Variants in RYR3 observed in about 807,000 individuals in gnomAD.
RYR3 encodes ryanodine receptor 3, also known as brain ryanodine receptor-calcium release channel.
RYR3 carries 207 observed loss-of-function variants against 584.3 expected under a neutral mutation model. The ratio of observed to expected loss-of-function variants is 0.35; its 90% CI spans 0.32 to 0.40. The LOEUF is 0.40. Ranked by LOEUF, RYR3 falls within the 10% of genes least tolerant of loss-of-function variation. RYR3 has a pLI of 1.00. For missense variants in RYR3, 5,616 were observed against 6,089.2 expected (o/e 0.92, Z 2.59); for synonymous variants, 2,416 against 2,248.5 (o/e 1.07, Z -2.11).
At chr15:33,552,813 C>T (rs994531641) in intron 10 of RYR3, among the ~76,000 whole-genome samples, 1 of 152,140 alleles carries the variant, frequency 6.6e-6, no homozygotes, top group African/African-American at 2.4e-5. Flanking sequence ...GGTAGAAAGG[C>T]CCTGATTTTC....
chr15:33,736,795 C>A (rs2069509355), intron 49 of RYR3, among the ~76,000 whole-genome samples: 1 of 151,582 alleles, frequency 6.6e-6, no homozygotes, highest in African/African-American at 2.4e-5. Context: ...GTCACCCAGG[C>A]TGAAGTGCAG....
chr15:33,378,934 C>T (rs1240681040), intron 1 of RYR3, among the ~76,000 whole-genome samples: 1 of 151,944 alleles, frequency 6.6e-6, no homozygotes, highest in Non-Finnish European at 1.5e-5. Context: ...TACTGCTCTC[C>T]AGCCTGGGCA....
chr15:33,341,613 G>GAAGC (rs1434289072), intron 1 of RYR3, among the ~76,000 whole-genome samples: 1 of 152,108 alleles, frequency 6.6e-6, no homozygotes, highest in African/African-American at 2.4e-5. Flanking sequence ...CTACCATCTA[G>GAAGC]AAGCAGGAGG....
At chr15:33,466,072 C>A (rs930927747) in intron 1 of RYR3, among the ~76,000 whole-genome samples, 6 of 152,150 alleles carry the variant, frequency 3.9e-5, no homozygotes, top group Non-Finnish European at 5.9e-5. Context: ...TGTTGAGTAG[C>A]ATTTGGAAAC....
At chr15:33,714,573 C>T (rs8025855) in intron 43 of RYR3, among the ~76,000 whole-genome samples, 110,538 of 152,058 alleles carry the variant, frequency 0.73, 40,924 homozygotes, top group South Asian at 0.89. Flanking sequence ...CTATTGTAGA[C>T]TCTGAGAAGG....
chr15:33,334,681 T>C (rs984437167), intron 1 of RYR3, among the ~76,000 whole-genome samples: 4 of 151,906 alleles, frequency 2.6e-5, no homozygotes, highest in African/African-American at 7.3e-5. Context: ...AATTGACAAA[T>C]GGGATCTAAT....
chr15:33,735,758 A>G (rs562188843), intron 48 of RYR3, among the ~76,000 whole-genome samples: 4 of 152,212 alleles, frequency 2.6e-5, no homozygotes, highest in African/African-American at 9.6e-5. Flanking sequence ...AAATGATTCC[A>G]GTAGTGAGAA....
intron 18 of RYR3, among the ~76,000 whole-genome samples, chr15:33,605,097 A>T (rs1198977572): frequency 6.6e-6 from 1 of 152,246 alleles, no homozygotes; most frequent in Non-Finnish European, 1.5e-5. Context: ...GGTGAAGCAA[A>T]TTGGACCCTT....
At chr15:33,339,824 G>T (rs904484046) in intron 1 of RYR3, among the ~76,000 whole-genome samples, 1 of 150,646 alleles carries the variant, frequency 6.6e-6, no homozygotes, top group Non-Finnish European at 1.5e-5. Context: ...GGGAGGCGGA[G>T]CTTGCAGTGA....
chr15:33,701,984 A>G (rs2066338377), intron 42 of RYR3, among the ~76,000 whole-genome samples: 1 of 152,174 alleles, frequency 6.6e-6, no homozygotes, highest in South Asian at 2.1e-4. Flanking sequence ...TTCTATTACT[A>G]AAAGAAATTC....
rs530544150 is a variant in RYR3, at chr15:33,572,764, C to T, written c.1268+5965C>T. Among the ~76,000 whole-genome samples, 37 of 151,754 alleles carry T rather than the reference C, an allele frequency of 2.4e-4. No individual in the cohort carries two copies. The East Asian group carries it at 6.0e-3, about 25-fold the overall frequency. On this transcript the variant is annotated intron_variant, in intron 12 of 103. Coordinates refer to ENST00000634891, the MANE Select transcript of RYR3 (RefSeq NM_001036.6). ...CCAAGGTGGGCGAATCACCTGAGGTCGGGGGTTCGAGACCAGCCTGACCAA... is the reference window on the plus strand; with the variant it reads ...CCAAGGTGGGCGAATCACCTGAGGTTGGGGGTTCGAGACCAGCCTGACCAA...
chr15:33,452,769 G>C (rs1596205734), intron 1 of RYR3, among the ~76,000 whole-genome samples: 1 of 152,154 alleles, frequency 6.6e-6, no homozygotes, highest in African/African-American at 2.4e-5. Flanking sequence ...AACCCAAACA[G>C]TCTGATTTCA....
intron 1 of RYR3, among the ~76,000 whole-genome samples, chr15:33,380,277 A>G (rs2041086655): frequency 6.6e-6 from 1 of 152,180 alleles, no homozygotes; most frequent in South Asian, 2.1e-4. Flanking sequence ...TCCTTTATAA[A>G]GGGGCTCCCA....
At chr15:33,608,834 C>T (rs1269378356) in intron 18 of RYR3, among the ~76,000 whole-genome samples, 5 of 152,190 alleles carry the variant, frequency 3.3e-5, no homozygotes, top group South Asian at 2.1e-4. Context: ...TCTTTCACCA[C>T]GAGGGCATAA....
At chr15:33,830,600 G>A (rs1179840024) in intron 85 of RYR3, among the ~76,000 whole-genome samples, 1 of 147,530 alleles carries the variant, frequency 6.8e-6, no homozygotes, top group Admixed American at 7.0e-5. Context: ...TATATGTAAT[G>A]TACTCAGAAC....
chr15:33,738,767 T>C (rs960331124), intron 50 of RYR3, among the ~76,000 whole-genome samples, 177 bp downstream of exon 50: 2 of 152,200 alleles, frequency 1.3e-5, no homozygotes, highest in Non-Finnish European at 2.9e-5. Context: ...AAAATCCTTA[T>C]TTTACAGGTG....
Position 33,585,846 on chromosome 15 carries a change from A to AT in RYR3, c.1670-144dup, listed in dbSNP as rs943960238. Among the ~76,000 whole-genome samples the AT allele has an allele frequency of 5.9e-5, 9 of 152,084 alleles. No individual in the cohort carries two copies. In the South Asian group the frequency reaches 8.3e-4, roughly 14 times the overall value. Reference sequence around the variant, plus strand: ...CTCTGAAGTCTACCGGAAATGATGCATTTTTTTTCTGGCTGGAAAGATTTG... The same window carrying AT: ...CTCTGAAGTCTACCGGAAATGATGCATTTTTTTTTCTGGCTGGAAAGATTTG... On this transcript the variant is annotated intron_variant, in intron 15 of 103. Coordinates refer to ENST00000634891, the MANE Select transcript of RYR3 (RefSeq NM_001036.6).
intron 89 of RYR3, chr15:33,839,711 T>G (rs1435564944): frequency 6.6e-6 from 1 of 152,262 alleles, no homozygotes; most frequent in African/African-American, 2.4e-5. Context: ...ACACTGTCCC[T>G]ACAGCTTAGT....
chr15:33,825,686 T>A lies in RYR3; in HGVS notation c.11146+10T>A. Reference sequence around the variant, plus strand: ...ACTGAAGAAGGAACACGTAAGTAACTAATGAATGTGAAGGCCATTCTCTTC... The same window carrying A: ...ACTGAAGAAGGAACACGTAAGTAACAAATGAATGTGAAGGCCATTCTCTTC... On this transcript the variant is annotated intron_variant, in intron 82 of 103. Coordinates refer to ENST00000634891, the MANE Select transcript of RYR3 (RefSeq NM_001036.6). 6.9e-7 allele frequency: 1 copy of A among 1,452,884 alleles called. No individual in the cohort carries two copies. Among genetic ancestry groups the A allele is most frequent in the Non-Finnish European group, 9.6e-7 (1 of 1,041,330 alleles). The allele number at this position is 1,452,884 out of a possible 1,614,324, so 90.0% of individuals were successfully genotyped here.
Sources: gnomAD v4.1 joint callset for allele counts (sites outside exome capture counted in the v4.1 genomes callset) on GRCh38, gnomAD v4.1.1 for gene constraint, MANE v1.5 for transcripts, NCBI Gene and HGNC (gene_info 2026-07-23, HGNC 2026-07-21) for gene names.